The following STUM variants were observed in gnomAD, a reference collection of about 807,000 sequenced individuals.
The protein encoded by STUM is protein stum homolog.
A neutral mutation model predicts 15.3 loss-of-function variants in STUM; 8 were observed. The ratio of observed to expected loss-of-function variants is 0.52; its 90% CI spans 0.31 to 0.94. The LOEUF is 0.94. Among genes scored for constraint, STUM ranks in the 40% least tolerant of loss-of-function variants. The probability of loss-of-function intolerance (pLI) is 0.05; values close to 1 mark genes in which losing one functional copy is unlikely to be tolerated. For missense variants in STUM, 142 were observed against 204.9 expected, an observed-to-expected ratio of 0.69 and a Z score of 1.87; for synonymous variants, 78 against 88.7, an observed-to-expected ratio of 0.88 and a Z score of 0.68.
intron 1 of STUM, among the ~76,000 whole-genome samples, chr1:226,553,874 G>A (rs754262949): frequency 6.6e-6 from 1 of 152,206 alleles, no homozygotes; most frequent in African/African-American, 2.4e-5. Flanking sequence ...TACGTAAAGA[G>A]TTTCTGGCTT....
intron 3 of STUM, among the ~76,000 whole-genome samples, chr1:226,601,002 A>C (rs1173656342): frequency 6.6e-6 from 1 of 152,244 alleles, no homozygotes; most frequent in South Asian, 2.1e-4. Flanking sequence ...AAATGAAGAG[A>C]AAAAAGCAGC....
intron 1 of STUM, among the ~76,000 whole-genome samples, chr1:226,591,706 A>G (rs1571811080): frequency 6.6e-6 from 1 of 152,210 alleles, no homozygotes; most frequent in East Asian, 1.9e-4. Flanking sequence ...TCAAGGACAA[A>G]GTTTCCTTAT....
At position 226,608,000 on chromosome 1, in the gene STUM, C is replaced by T. The variant is rs1418646765; in HGVS notation, c.*5960C>T. 1 of 152,396 alleles carries T rather than the reference C, an allele frequency of 6.6e-6. No homozygotes were observed. Among genetic ancestry groups the T allele is most frequent in the Non-Finnish European group, 1.5e-5 (1 of 68,196 alleles). 9.4% of individuals were successfully genotyped at this position (152,396 alleles called of 1,614,324 possible). The stretch of plus-strand genomic sequence containing the variant: ...GGGCACTGGCTGGCAGCACTTTTTT[C>T]CCTCATCACATCCCTGACCCCTGCC... On this transcript the variant is annotated 3_prime_UTR_variant, in exon 4 of 4. Coordinates refer to ENST00000366788, the MANE Select transcript of STUM (RefSeq NM_001003665.4).
chr1:226,602,338 C>T lies in STUM; in HGVS notation c.*298C>T. 2.3e-6 allele frequency: 1 copy of T among 435,196 alleles called. No homozygotes were observed. Among genetic ancestry groups the T allele is most frequent in the East Asian group, 4.1e-5 (1 of 24,250 alleles). The allele number at this position is 435,196 out of a possible 1,614,324, so 27.0% of individuals were successfully genotyped here. Reference sequence around the variant, plus strand: ...GCTGGGATGCTCCGGCAGGCTCCAACTGGCCTTGCTGTACCCACTGCCCAC... The same window carrying T: ...GCTGGGATGCTCCGGCAGGCTCCAATTGGCCTTGCTGTACCCACTGCCCAC... On this transcript the variant is annotated 3_prime_UTR_variant, in exon 4 of 4. Coordinates refer to ENST00000366788, the MANE Select transcript of STUM (RefSeq NM_001003665.4).
intron 1 of STUM, among the ~76,000 whole-genome samples, chr1:226,579,709 G>A (rs774117739): frequency 2.0e-5 from 3 of 150,538 alleles, no homozygotes; most frequent in Non-Finnish European, 4.4e-5. Context: ...GTTCACTGCA[G>A]CCTTGAACTC....
At chr1:226,571,861 A>G (rs1667717114) in intron 1 of STUM, among the ~76,000 whole-genome samples, 1 of 152,102 alleles carries the variant, frequency 6.6e-6, no homozygotes, top group African/African-American at 2.4e-5. Flanking sequence ...TCTGGTCTCG[A>G]ACTCCTGACC....
chr1:226,574,962 C>T (rs975148477), intron 1 of STUM, among the ~76,000 whole-genome samples: 7 of 152,178 alleles, frequency 4.6e-5, no homozygotes, highest in Non-Finnish European at 1.0e-4. Context: ...CGGTCAGTTC[C>T]GAGCAGGGCT....
intron 1 of STUM, among the ~76,000 whole-genome samples, chr1:226,557,148 A>G (rs1667459753): frequency 6.6e-6 from 1 of 152,174 alleles, no homozygotes; most frequent in African/African-American, 2.4e-5. Flanking sequence ...CGCCCACCTC[A>G]GTGCCTGGCA....
intron 1 of STUM, among the ~76,000 whole-genome samples, chr1:226,576,159 G>A (rs1247406256): frequency 2.0e-5 from 3 of 152,248 alleles, no homozygotes; most frequent in African/African-American, 7.2e-5. Context: ...CCGCTCCCTG[G>A]CAGGTGGAGT....
In STUM at chr1:226,604,531, G is replaced by GC. The variant is rs1336491165; in HGVS notation, c.*2496dup. 6.6e-6 allele frequency: 1 copy of GC among 152,128 alleles called. No homozygotes were observed. The highest frequency in any genetic ancestry group is 1.5e-5 in the Non-Finnish European group (1 of 68,030). 9.4% of individuals were successfully genotyped at this position (152,128 alleles called of 1,614,324 possible). On this transcript the variant is annotated 3_prime_UTR_variant, in exon 4 of 4. Transcript: ENST00000366788. This position sits in a 1 kb window ranked among gnomAD's most constrained non-coding sequence, Gnocchi z 4.7. ...GTGGGCGGGACCGGTTCAAAATAGCGCCCCCGCCCCTCTAAATTAGACCGT... is the reference window on the plus strand; with the variant it reads ...GTGGGCGGGACCGGTTCAAAATAGCGCCCCCCGCCCCTCTAAATTAGACCGT...
At chr1:226,558,111 A>G (rs1186439286) in intron 1 of STUM, among the ~76,000 whole-genome samples, 1 of 152,224 alleles carries the variant, frequency 6.6e-6, no homozygotes, top group Non-Finnish European at 1.5e-5. Context: ...CTTCTATTCA[A>G]CATAATGGAA....
Position 226,600,497 on chromosome 1 carries a change from G to A in STUM, c.383-169G>A. On this transcript the variant is annotated intron_variant, in intron 2 of 3. Coordinates refer to ENST00000366788, the MANE Select transcript of STUM (RefSeq NM_001003665.4). This position sits in a 1 kb window ranked among gnomAD's most constrained non-coding sequence, Gnocchi z 5.2. ...TACTGAGCACTCCCTGCCTGGGGAT[G>A]GCGTCTGAGAAGCCACTGGCATGGC... is the stretch of plus-strand genomic sequence containing the variant. 1.4e-6 allele frequency: 1 copy of A among 740,066 alleles called. No homozygotes were observed. The highest frequency in any genetic ancestry group is 2.3e-6 in the Non-Finnish European group (1 of 436,720). The allele number at this position is 740,066 out of a possible 1,614,324, so 45.8% of individuals were successfully genotyped here.
At chr1:226,554,691 G>A (rs1294656663) in intron 1 of STUM, among the ~76,000 whole-genome samples, 1 of 152,130 alleles carries the variant, frequency 6.6e-6, no homozygotes, top group Non-Finnish European at 1.5e-5. Context: ...AGTCTTTCTG[G>A]CATCATCAAT....
At position 226,603,324 on chromosome 1, in the gene STUM, G is replaced by C. The variant is rs982366567; in HGVS notation, c.*1284G>C. 1 of 152,236 alleles carries C rather than the reference G, an allele frequency of 6.6e-6. No homozygotes were observed. The highest frequency in any genetic ancestry group is 1.5e-5 in the Non-Finnish European group (1 of 68,052). The allele number at this position is 152,236 out of a possible 1,614,324, so 9.4% of individuals were successfully genotyped here. ...GGCTAGATCCCTAATGGGGGCTAGGGGTGGGGAGAATCTAGCAGAAGTTGT... is the reference window on the plus strand; with the variant it reads ...GGCTAGATCCCTAATGGGGGCTAGGCGTGGGGAGAATCTAGCAGAAGTTGT... On this transcript the variant is annotated 3_prime_UTR_variant, in exon 4 of 4. Transcript: ENST00000366788.
chr1:226,577,693 G>C (rs367910519), intron 1 of STUM, among the ~76,000 whole-genome samples: 2 of 152,170 alleles, frequency 1.3e-5, no homozygotes, highest in African/African-American at 2.4e-5. Context: ...AGGGAGGGGG[G>C]GCCAGCAGCA....
chr1:226,559,126 A>T (rs1558277766), intron 1 of STUM, among the ~76,000 whole-genome samples: 1 of 152,228 alleles, frequency 6.6e-6, no homozygotes, highest in Non-Finnish European at 1.5e-5. Flanking sequence ...TAAGGCCAGG[A>T]CTGCCCTTGA....
chr1:226,550,779 T>C (rs567563872), intron 1 of STUM, among the ~76,000 whole-genome samples: 4 of 152,096 alleles, frequency 2.6e-5, no homozygotes, highest in Non-Finnish European at 1.5e-5. Flanking sequence ...CCCTCCCTGG[T>C]CTCCCTTCAC....
At chr1:226,555,360 A>G (rs1436421279) in intron 1 of STUM, among the ~76,000 whole-genome samples, 1 of 152,162 alleles carries the variant, frequency 6.6e-6, no homozygotes, top group Admixed American at 6.5e-5. Context: ...CTCCACTTGG[A>G]AACCAAAAGG....
chr1:226,601,255 T>C (rs1440374085), intron 3 of STUM, among the ~76,000 whole-genome samples: 3 of 152,100 alleles, frequency 2.0e-5, no homozygotes, highest in Non-Finnish European at 4.4e-5. Context: ...GCCTCCCGAG[T>C]AGCTGGGACT....
Sources: gnomAD v4.1 joint callset for allele counts (sites outside exome capture counted in the v4.1 genomes callset) on GRCh38, gnomAD v4.1.1 for gene constraint, Gnocchi (gnomAD v3.1) non-coding constraint, MANE v1.5 for transcripts, NCBI Gene and HGNC (gene_info 2026-07-23, HGNC 2026-07-21) for gene names.